Variants in CCDC171 observed in about 807,000 individuals in gnomAD.
CCDC171 encodes coiled-coil domain-containing protein 171.
Under a neutral mutation model 168.2 loss-of-function variants are expected in CCDC171, and 177 were observed. The ratio of observed to expected loss-of-function variants is 1.05; its 90% CI spans 0.93 to 1.19. The LOEUF is 1.19. Among genes scored for constraint, CCDC171 ranks in the 50% most tolerant of loss-of-function variants. The pLI is 0.00. For missense variants in CCDC171, 1,991 were observed against 1,539.0 expected (o/e 1.29, Z -4.91); for synonymous variants, 687 against 540.8 (o/e 1.27, Z -3.75).
intron 25 of CCDC171, among the ~76,000 whole-genome samples, chr9:15,927,106 A>G (rs1353795409): frequency 1.3e-5 from 2 of 151,678 alleles, no homozygotes; most frequent in Non-Finnish European, 3.0e-5. Flanking sequence ...TTGTAGACAT[A>G]ATTATCTTTA....
At chr9:15,715,134 C>T (rs2052983208) in intron 11 of CCDC171, among the ~76,000 whole-genome samples, 2 of 152,184 alleles carry the variant, frequency 1.3e-5, no homozygotes, top group African/African-American at 2.4e-5. Context: ...ACACAGAACT[C>T]ATCAACGAAG....
upstream of CCDC171, among the ~76,000 whole-genome samples, chr9:16,041,825 T>G (rs933066151): frequency 4.6e-5 from 7 of 152,160 alleles, no homozygotes; most frequent in Non-Finnish European, 1.0e-4. Context: ...ATGACCAACC[T>G]TCATTCTTTG....
chr9:15,797,905 T>C (rs574464664), intron 21 of CCDC171, among the ~76,000 whole-genome samples: 1 of 152,302 alleles, frequency 6.6e-6, no homozygotes, highest in Non-Finnish European at 1.5e-5. Flanking sequence ...GTCCTTTTTC[T>C]ATTGAATTAC....
chr9:15,778,022 G>A (rs1472726070), intron 19 of CCDC171, among the ~76,000 whole-genome samples, 196 bp downstream of exon 19: 1 of 152,156 alleles, frequency 6.6e-6, no homozygotes, highest in Non-Finnish European at 1.5e-5. Context: ...CACTGGCCGG[G>A]CGCGGTGGCT....
chr9:15,776,569 A>G lies in CCDC171; in HGVS notation c.2672-1031A>G, dbSNP rs1379041727. On this transcript the variant is annotated intron_variant, in intron 18 of 25. Coordinates refer to ENST00000380701, the MANE Select transcript of CCDC171 (RefSeq NM_173550.4). ...TTTTCAAATTCTGGCTGCTACATAG[A>G]TTTTAAAATTTGTCTGTCCTTTAAA... Among the ~76,000 whole-genome samples the G allele has an allele frequency of 2.0e-5, 3 of 152,200 alleles. No homozygotes were observed. In the South Asian group the frequency reaches 6.2e-4, roughly 32 times the overall value.
intron 7 of CCDC171, among the ~76,000 whole-genome samples, chr9:15,633,023 A>C (rs2045869971): frequency 6.6e-6 from 1 of 152,214 alleles, no homozygotes; most frequent in Non-Finnish European, 1.5e-5. Context: ...AAATTAATTC[A>C]AGATGGATTA....
chr9:16,069,354 A>C, the CCDC171 span, among the ~76,000 whole-genome samples: 1 of 152,236 alleles, frequency 6.6e-6, no homozygotes, highest in African/African-American at 2.4e-5. Flanking sequence ...ATTTCAAACC[A>C]GACTGGGCCA....
chr9:15,611,408 T>C (rs1231609475), intron 6 of CCDC171, among the ~76,000 whole-genome samples: 5 of 152,212 alleles, frequency 3.3e-5, no homozygotes, highest in Non-Finnish European at 7.3e-5. Context: ...ACTAAAAAGA[T>C]GAGAAGAAGC....
chr9:16,068,732 A>AT, the CCDC171 span, among the ~76,000 whole-genome samples: 1 of 145,368 alleles, frequency 6.9e-6, no homozygotes, highest in Admixed American at 6.8e-5. Context: ...GATGACGATT[A>AT]CATACAACAG....
intron 3 of CCDC171, among the ~76,000 whole-genome samples, chr9:15,578,101 C>G (rs969353761): frequency 2.6e-5 from 4 of 152,174 alleles, no homozygotes; most frequent in Admixed American, 1.3e-4. Flanking sequence ...ATTTATTAAA[C>G]TATACTTTGA....
At chr9:16,103,682 G>A in the CCDC171 span, among the ~76,000 whole-genome samples, 6 of 152,162 alleles carry the variant, frequency 3.9e-5, no homozygotes, top group South Asian at 2.1e-4. Context: ...GCTCAGCAAG[G>A]GGCATGCTGG....
At chr9:15,996,782 G>C (rs1277175048) in intron 3 of CCDC171, among the ~76,000 whole-genome samples, 5 of 151,968 alleles carry the variant, frequency 3.3e-5, no homozygotes, top group African/African-American at 9.7e-5. Context: ...GTACTGTTTG[G>C]ATTCTACAGT....
intron 25 of CCDC171, among the ~76,000 whole-genome samples, chr9:15,926,024 C>G (rs965318851): frequency 6.6e-6 from 1 of 151,270 alleles, no homozygotes; most frequent in Non-Finnish European, 1.5e-5. Context: ...CCTCTTCTAG[C>G]TAGGGAAACA....
At chr9:15,875,254 A>G (rs1180853253) in intron 24 of CCDC171, 2 of 152,024 alleles carry the variant, frequency 1.3e-5, no homozygotes, top group African/African-American at 4.8e-5. Context: ...TTCATTTATA[A>G]AACTTAAAAT....
At chr9:15,977,568 T>C (rs1831662029), downstream of CCDC171, among the ~76,000 whole-genome samples, 1 of 152,232 alleles carries the variant, frequency 6.6e-6, no homozygotes, top group South Asian at 2.1e-4. Context: ...TGAAAACTAC[T>C]GGGTTAATGT....
chr9:16,086,237 G>A, the CCDC171 span, among the ~76,000 whole-genome samples: 1 of 152,000 alleles, frequency 6.6e-6, no homozygotes, highest in Non-Finnish European at 1.5e-5. Flanking sequence ...TAGTTTATTT[G>A]CATAGAGGTA....
chr9:15,601,869 C>G (rs923478340), intron 6 of CCDC171, among the ~76,000 whole-genome samples: 1 of 152,180 alleles, frequency 6.6e-6, no homozygotes, highest in Non-Finnish European at 1.5e-5. Flanking sequence ...AAATATAATT[C>G]AAAGGCCTGT....
At chr9:15,781,413 T>A (rs1157607178) in intron 20 of CCDC171, among the ~76,000 whole-genome samples, 1 of 152,118 alleles carries the variant, frequency 6.6e-6, no homozygotes, top group Non-Finnish European at 1.5e-5. Flanking sequence ...ACTTAATTTT[T>A]ACTTTATTTT....
intron 6 of CCDC171, among the ~76,000 whole-genome samples, chr9:15,600,473 T>C (rs2042753101): frequency 6.6e-6 from 1 of 152,184 alleles, no homozygotes; most frequent in East Asian, 1.9e-4. Context: ...CAGCCAATGT[T>C]GCTGCCTGAT....
Sources: gnomAD v4.1 joint callset for allele counts (sites outside exome capture counted in the v4.1 genomes callset) on GRCh38, gnomAD v4.1.1 for gene constraint, MANE v1.5 for transcripts, NCBI Gene and HGNC (gene_info 2026-07-23, HGNC 2026-07-21) for gene names.